The following FARP1 variants were observed in gnomAD, a reference collection of about 807,000 sequenced individuals.
The protein encoded by FARP1 is FERM, ARHGEF and pleckstrin domain-containing protein 1.
A neutral mutation model predicts 128.8 loss-of-function variants in FARP1; 52 were observed. The observed-to-expected ratio is 0.40, with a 90% CI of 0.32 to 0.51. The LOEUF (loss-of-function observed/expected upper bound fraction) is 0.51. Among genes scored for constraint, FARP1 ranks in the 20% least tolerant of loss-of-function variants. The pLI is 0.45. For synonymous variants in FARP1, 580 were observed against 551.8 expected, an observed-to-expected ratio of 1.05 and a Z score of -0.72; for missense variants, 1,333 against 1,367.9, an observed-to-expected ratio of 0.97 and a Z score of 0.40.
intron 17 of FARP1, among the ~76,000 whole-genome samples, chr13:98,428,461 C>T (rs1891872563): frequency 6.6e-6 from 1 of 152,154 alleles, no homozygotes; most frequent in Admixed American, 6.5e-5. Context: ...GCCAGCTTCC[C>T]AATGAGTCAC....
chr13:98,356,140 T>C (rs1269831057), intron 3 of FARP1, among the ~76,000 whole-genome samples: 1 of 152,244 alleles, frequency 6.6e-6, no homozygotes, highest in Non-Finnish European at 1.5e-5. Flanking sequence ...TTATTTATTT[T>C]CTGCCTACAT....
intron 13 of FARP1, 55 bp downstream of exon 13, chr13:98,395,531 G>T: frequency 3.9e-6 from 6 of 1,520,000 alleles, no homozygotes; most frequent in Non-Finnish European, 5.3e-6. Context: ...TTCATTGACT[G>T]CAGTGACGTA....
intron 2 of FARP1, among the ~76,000 whole-genome samples, chr13:98,219,912 T>C (rs971890584): frequency 6.6e-6 from 1 of 152,118 alleles, no homozygotes; most frequent in African/African-American, 2.4e-5. Context: ...GAAGTGATCC[T>C]CCTGCATTGG....
At chr13:98,253,077 T>C (rs1883422023) in intron 2 of FARP1, among the ~76,000 whole-genome samples, 2 of 152,204 alleles carry the variant, frequency 1.3e-5, no homozygotes, top group African/African-American at 2.4e-5. Flanking sequence ...GGGAGTGTGG[T>C]GCATTAATAG....
chr13:98,309,744 G>T (rs1886369057), intron 2 of FARP1, among the ~76,000 whole-genome samples: 1 of 152,216 alleles, frequency 6.6e-6, no homozygotes, highest in South Asian at 2.1e-4. Context: ...CTGTTGAGGG[G>T]TTAGGTGATG....
At chr13:98,272,390 C>T (rs1884433645) in intron 2 of FARP1, among the ~76,000 whole-genome samples, 1 of 152,150 alleles carries the variant, frequency 6.6e-6, no homozygotes, top group African/African-American at 2.4e-5. Flanking sequence ...GAAAGCCCAA[C>T]AGTCATTATG....
intron 8 of FARP1, among the ~76,000 whole-genome samples, chr13:98,386,494 G>C (rs1325004983): frequency 6.6e-6 from 1 of 152,006 alleles, no homozygotes; most frequent in Non-Finnish European, 1.5e-5. Flanking sequence ...TATTGTTGAC[G>C]TACAATAAAG....
intron 1 of FARP1, among the ~76,000 whole-genome samples, chr13:98,199,060 C>T (rs1420468716): frequency 1.3e-5 from 2 of 148,242 alleles, no homozygotes; most frequent in African/African-American, 5.0e-5. Flanking sequence ...CTCTCACCTG[C>T]GTATTTAATT....
intron 3 of FARP1, among the ~76,000 whole-genome samples, chr13:98,359,541 C>T (rs1888778917): frequency 6.6e-6 from 1 of 152,198 alleles, no homozygotes; most frequent in Non-Finnish European, 1.5e-5. Flanking sequence ...TTAGTATCTC[C>T]TCTCACCTCC....
At chr13:98,171,253 C>T (rs911433412) in intron 1 of FARP1, among the ~76,000 whole-genome samples, 1 of 152,190 alleles carries the variant, frequency 6.6e-6, no homozygotes, top group Admixed American at 6.5e-5. Flanking sequence ...TTTCCTGGTT[C>T]AATGTCCTTG....
At chr13:98,207,907 TCCACACACACACACACACAC>T (rs1880374505) in intron 1 of FARP1, among the ~76,000 whole-genome samples, 3 of 33,166 alleles carry the variant, frequency 9.0e-5, no homozygotes, top group African/African-American at 3.6e-4. Flanking sequence ...GACCACCACC[TCCACACACACACACACACAC>T]ACACACACAC....
chr13:98,303,533 A>C (rs1003749493), intron 2 of FARP1, among the ~76,000 whole-genome samples: 4 of 152,238 alleles, frequency 2.6e-5, no homozygotes, highest in African/African-American at 9.6e-5. Context: ...ACATGTTCAT[A>C]AATGATGCTG....
chr13:98,284,421 A>T (rs1226624424), intron 2 of FARP1, among the ~76,000 whole-genome samples: 2 of 152,168 alleles, frequency 1.3e-5, no homozygotes, highest in Non-Finnish European at 1.5e-5. Flanking sequence ...ACCTCACGGT[A>T]CCTAGGCAAC....
chr13:98,155,552 C>T (rs1410574877), intron 1 of FARP1, among the ~76,000 whole-genome samples: 1 of 152,026 alleles, frequency 6.6e-6, no homozygotes, highest in East Asian at 1.9e-4. Flanking sequence ...GACAGGGTCT[C>T]ACTCTGTCAC....
intron 3 of FARP1, among the ~76,000 whole-genome samples, chr13:98,362,313 T>C (rs1888905590): frequency 6.6e-6 from 1 of 152,150 alleles, no homozygotes. Context: ...CTACCCCCCA[T>C]TCTGTTGCCT....
rs1461918644 is a variant in FARP1, at chr13:98,431,176, C to T, written c.2039C>T (p.Thr680Ile). Residue 680 changes from threonine to isoleucine, a missense_variant, in exon 18 of 27, where the codon ACC becomes ATC. This residue lies in a region of FARP1 where 1,009 missense variants were observed against 969.8 expected (regional missense o/e 1.04). Transcript: ENST00000319562. ...AAGGTGTGTTACCTACCGCTCAACA[C>T]CTTCCTCCTGCGGCCACTGCACCGG... is the stretch of plus-strand genomic sequence containing the variant. ...LQKVCYLPLN[T>I]FLLRPLHRLM... is the part of the protein sequence containing the mutation. 6.2e-7 allele frequency: 1 copy of T among 1,613,790 alleles called. No homozygotes were observed. The highest frequency in any genetic ancestry group is 1.3e-5 in the African/African-American group (1 of 74,930).
At chr13:98,183,782 G>A (rs1209436567) in intron 1 of FARP1, among the ~76,000 whole-genome samples, 2 of 152,158 alleles carry the variant, frequency 1.3e-5, no homozygotes, top group East Asian at 1.9e-4. Context: ...CATACTCGCT[G>A]CCTCCACTGT....
chr13:98,402,847 T>C (rs1890829039), intron 13 of FARP1: 1 of 152,234 alleles, frequency 6.6e-6, no homozygotes, highest in African/African-American at 2.4e-5. Context: ...GATAATATGT[T>C]TTATTTAAAA....
chr13:98,384,855 T>C lies in FARP1; in HGVS notation c.611+11T>C. ...TCACCATAACCACATGTAAGTCTCA[T>C]TCTTGGCTTCATATTCCCTCTGAGC... is the stretch of plus-strand genomic sequence containing the variant. On this transcript the variant is annotated intron_variant, in intron 7 of 26. Coordinates refer to ENST00000319562, the MANE Select transcript of FARP1 (RefSeq NM_005766.4). The C allele has an allele frequency of 6.5e-7, 1 of 1,543,020 alleles. No individual in the cohort carries two copies.
Sources: allele counts gnomAD v4.1 joint callset (sites outside exome capture counted in the v4.1 genomes callset), GRCh38; gene constraint gnomAD v4.1.1; regional missense constraint gnomAD v4.1.1; transcripts MANE v1.5; gene names NCBI Gene and HGNC (gene_info 2026-07-23, HGNC 2026-07-21).